The following HMCN2 variants were observed in gnomAD, a reference collection of about 807,000 sequenced individuals.
HMCN2 encodes hemicentin-2.
Under a neutral mutation model 377.5 loss-of-function variants are expected in HMCN2, and 325 were observed. The ratio of observed to expected loss-of-function variants is 0.86; its 90% confidence interval spans 0.79 to 0.94. The LOEUF is 0.94. Ranked by LOEUF, HMCN2 falls within the 40% of genes least tolerant of loss-of-function variation. The pLI, the probability that HMCN2 is intolerant of heterozygous loss-of-function variation, is 0.00. For missense variants in HMCN2, 4,543 were observed against 4,725.3 expected (o/e 0.96, Z 1.13); for synonymous variants, 2,007 against 2,046.8 (o/e 0.98, Z 0.53).
In HMCN2 at chr9:130,317,418, CTA is replaced by C. The variant is rs1837613702; in HGVS notation, c.2351-2075_2351-2074del. ...ACTTGAGCCTCGAGGCTGCAGTGAG[CTA>C]TGATTGTGCCACTGTGCTCCAGCCT... On this transcript the variant is annotated intron_variant, in intron 15 of 97. Transcript: ENST00000683500. 2.6e-5 allele frequency among the ~76,000 whole-genome samples: 4 copies of C among 151,478 alleles called. No individual in the cohort carries two copies. In the South Asian group the frequency reaches 8.4e-4, roughly 32 times the overall value.
intron 85 of HMCN2, among the ~76,000 whole-genome samples, chr9:130,416,102 T>TTTA (rs1843676793): frequency 4.5e-5 from 2 of 44,916 alleles, no homozygotes; most frequent in African/African-American, 1.7e-4. Flanking sequence ...GAGGCTTTAT[T>TTTA]TTTTTTTTTT....
rs576351748 is a variant in HMCN2, at chr9:130,369,785, C to T, written c.7003C>T (p.Arg2335Cys). The T allele has an allele frequency of 1.3e-4, 131 of 985,944 alleles. No homozygotes were observed. The African/African-American group carries it at 1.9e-3, about 14-fold the overall frequency. The allele number at this position is 985,944 out of a possible 1,614,324, so 61.1% of individuals were successfully genotyped here. ...GCGGGCCCAGGCTGCCCACACTGGA[C>T]GCTACAGCTGTGTGGCCGAGAACCT... ...VERAQAAHTG[R>C]YSCVAENLAG... The change falls in exon 45 of 98, where the codon CGC becomes TGC. Residue 2335 changes from arginine to cysteine, a missense_variant. By Grantham distance (180) the Arg-to-Cys change is radical. Coordinates refer to ENST00000683500, the MANE Select transcript of HMCN2 (RefSeq NM_001291815.2). The surrounding 1 kb of genome is among the most constrained non-coding windows in gnomAD (Gnocchi z 4.5).
intron 57 of HMCN2, among the ~76,000 whole-genome samples, chr9:130,384,058 G>C (rs930062355): frequency 1.3e-5 from 2 of 152,214 alleles, no homozygotes; most frequent in African/African-American, 2.4e-5. Context: ...TGTGAGTTCT[G>C]TCTCCAGATG....
At chr9:130,283,238 T>A (rs1333690437) in intron 1 of HMCN2, among the ~76,000 whole-genome samples, 4 of 152,088 alleles carry the variant, frequency 2.6e-5, no homozygotes, top group African/African-American at 4.8e-5. Context: ...TGTCTTATGT[T>A]GGCGTGGATC....
intron 4 of HMCN2, among the ~76,000 whole-genome samples, chr9:130,291,351 G>A (rs976906536): frequency 6.6e-6 from 1 of 152,004 alleles, no homozygotes; most frequent in Admixed American, 6.6e-5. Context: ...CTGGGATTAC[G>A]GGCGCCTGCC....
chr9:130,352,774 C>A (rs1054560787), intron 30 of HMCN2, among the ~76,000 whole-genome samples, 153 bp from the exon 31 acceptor site: 2 of 152,004 alleles, frequency 1.3e-5, no homozygotes, highest in African/African-American at 4.8e-5. Flanking sequence ...TGTCCCCAGA[C>A]CCCTCCCCTC....
chr9:130,392,835 A>C (rs923981486), intron 66 of HMCN2, among the ~76,000 whole-genome samples: 1 of 151,922 alleles, frequency 6.6e-6, no homozygotes, highest in Admixed American at 6.5e-5. Context: ...TCTCTACTAA[A>C]AATACAAAAA....
At chr9:130,338,266 T>C (rs1451856778) in intron 23 of HMCN2, 2 of 152,600 alleles carry the variant, frequency 1.3e-5, no homozygotes. Context: ...GAGACGCTGT[T>C]CAGAGGCCCC....
rs1020104494 is a variant in HMCN2 at position 130,362,931 on chromosome 9, C to T, written c.6173C>T (p.Ser2058Phe). ...CGGGCCTCCGACTCTGGGAGGTACT[C>T]CTGCGTGGCTGTGAGCGCGGTGGGC... ...SARASDSGRY[S>F]CVAVSAVGED... Residue 2058 changes from serine to phenylalanine, a missense_variant, in exon 40 of 98, where the codon TCC becomes TTC. Physicochemically the swap from Ser to Phe is radical, Grantham distance 155. Around this residue, in one of 5 missense-constraint regions of HMCN2, gnomAD observed 1,032 missense variants for 1,285.1 expected, o/e 0.80. Transcript: ENST00000683500. 6 of 985,824 alleles carry T rather than the reference C, an allele frequency of 6.1e-6. No homozygotes were observed. In the African/African-American group the frequency reaches 1.0e-4, roughly 17 times the overall value. 61.1% of individuals were successfully genotyped at this position (985,824 alleles called of 1,614,324 possible). A position where few individuals can be genotyped will look rare whatever the true frequency, so the allele number is the denominator to read the frequency against.
chr9:130,341,679 G>A (rs1450584553), intron 24 of HMCN2, among the ~76,000 whole-genome samples: 1 of 152,146 alleles, frequency 6.6e-6, no homozygotes, highest in East Asian at 1.9e-4. Flanking sequence ...GAGGCACCTG[G>A]AGCAGTAACC....
rs900734473 is a variant in HMCN2, at chr9:130,329,723, G to A, written c.3359+2248G>A. Among the ~76,000 whole-genome samples, 15 of 152,226 alleles carry A rather than the reference G, an allele frequency of 9.9e-5. No individual in the cohort carries two copies. The East Asian group carries it at 2.1e-3, about 22-fold the overall frequency. On this transcript the variant is annotated intron_variant, in intron 22 of 97. Coordinates refer to ENST00000683500, the MANE Select transcript of HMCN2 (RefSeq NM_001291815.2). ...CTCCCAAAGTGCTGGGATTACAGGCGTGAGCCACTGTGCCTGGCCATAGCC... is the reference window on the plus strand; with the variant it reads ...CTCCCAAAGTGCTGGGATTACAGGCATGAGCCACTGTGCCTGGCCATAGCC...
At chr9:130,416,633 G>A (rs926502816) in intron 85 of HMCN2, among the ~76,000 whole-genome samples, 23 of 152,070 alleles carry the variant, frequency 1.5e-4, no homozygotes, top group African/African-American at 3.6e-4. Flanking sequence ...GTGACCTTAC[G>A]CACGCCCTCC....
At chr9:130,363,741 T>C (rs1281188737) in intron 40 of HMCN2, among the ~76,000 whole-genome samples, 1 of 150,454 alleles carries the variant, frequency 6.6e-6, no homozygotes, top group Non-Finnish European at 1.5e-5. Context: ...GAGAATCACT[T>C]GAACCTGGGA....
In HMCN2 at chr9:130,405,063, AG is replaced by A. The variant is rs1843025232; in HGVS notation, c.12339+6del. ...GTTGCTGGTGAAGAACTTGGAGGTG[AG>A]GCACTGCCCCAAGGGGCACAGCAGG... On this transcript the variant is annotated splice_donor_5th_base_variant and intron_variant, in intron 81 of 97. Transcript: ENST00000683500. 1.0e-5 allele frequency: 13 copies of A among 1,282,450 alleles called. No individual in the cohort carries two copies. The highest frequency in any genetic ancestry group is 1.3e-5 in the Non-Finnish European group (13 of 985,474). The allele number at this position is 1,282,450 out of a possible 1,614,324, so 79.4% of individuals were successfully genotyped here.
chr9:130,424,208 TCG>T (rs1844190483), intron 87 of HMCN2, among the ~76,000 whole-genome samples: 1 of 150,126 alleles, frequency 6.7e-6, no homozygotes, highest in Admixed American at 6.6e-5. Flanking sequence ...AGACGGAGTC[TCG>T]CTCTGTCACC....
Position 130,370,982 on chromosome 9 carries a change from G to A in HMCN2, c.7088G>A (p.Gly2363Glu), listed in dbSNP as rs1181533456. The A allele has an allele frequency of 1.0e-6, 1 of 986,068 alleles. No homozygotes were observed. The highest frequency in any genetic ancestry group is 1.2e-6 in the Non-Finnish European group (1 of 830,192). 61.1% of individuals were successfully genotyped at this position (986,068 alleles called of 1,614,324 possible). A position where few individuals can be genotyped will look rare whatever the true frequency, so the allele number is the denominator to read the frequency against. Residue 2363 changes from glycine (G) to glutamate (E), a missense_variant, in exon 46 of 98, where the codon GGA (glycine) becomes GAA (glutamate). Physicochemically the swap from Gly to Glu is moderately conservative, Grantham distance 98. This residue lies in a region of HMCN2 where 1,032 missense variants were observed against 1,285.1 expected (regional missense o/e 0.80). Transcript: ENST00000683500. ...TGTCCAGTGCCCCCAGAGCTCATTG[G>A]AGACTTGGACCCGCTGACCAACATC... ...LSVLVPPELI[G>E]DLDPLTNITA...
intron 60 of HMCN2, among the ~76,000 whole-genome samples, chr9:130,386,197 C>T (rs1842013450): frequency 6.6e-6 from 1 of 152,220 alleles, no homozygotes; most frequent in African/African-American, 2.4e-5. Context: ...GGGACCTCTT[C>T]CTGCCAGCTT....
intron 65 of HMCN2, 116 bp from the exon 66 acceptor site, chr9:130,391,818 AC>A: frequency 1.6e-6 from 1 of 619,364 alleles, no homozygotes. Flanking sequence ...TTCACAAGGG[AC>A]CACTGTGGTT....
At chr9:130,405,219 C>T (rs1401668208) in intron 81 of HMCN2, among the ~76,000 whole-genome samples, 160 bp downstream of exon 81, 2 of 152,138 alleles carry the variant, frequency 1.3e-5, no homozygotes, top group Non-Finnish European at 2.9e-5. Flanking sequence ...TCAAAGTGTA[C>T]CTAGTTGTCC....
Sources: gnomAD v4.1 joint callset for allele counts (sites outside exome capture counted in the v4.1 genomes callset) on GRCh38, gnomAD v4.1.1 for gene constraint, gnomAD v4.1.1 regional missense constraint, Gnocchi (gnomAD v3.1) non-coding constraint, MANE v1.5 for transcripts, NCBI Gene and HGNC (gene_info 2026-07-23, HGNC 2026-07-21) for gene names.